CAPSL: variants seen among roughly 807,000 people sequenced by gnomAD.
CAPSL encodes the protein calcyphosin-like protein.
CAPSL carries 17 observed loss-of-function variants against 21.3 expected under a neutral mutation model. That is an observed-to-expected ratio of 0.80 (90% CI 0.55 to 1.20). The LOEUF (loss-of-function observed/expected upper bound fraction) is 1.20. CAPSL is among the 50% of genes most tolerant of loss of function. The pLI is 0.00. For synonymous variants in CAPSL, 102 were observed against 89.3 expected, an observed-to-expected ratio of 1.14 and a Z score of -0.80; for missense variants, 289 against 259.3, an observed-to-expected ratio of 1.11 and a Z score of -0.79.
At chr5:35,916,849 G>A (rs1006746883) in intron 2 of CAPSL, among the ~76,000 whole-genome samples, 2 of 152,154 alleles carry the variant, frequency 1.3e-5, no homozygotes, top group African/African-American at 4.8e-5. Context: ...GGCGACAAAA[G>A]CCAAAATGGA....
In CAPSL at chr5:35,935,810, C is replaced by T. The variant is rs79297711; in HGVS notation, c.-1+2731G>A. Reference sequence around the variant, plus strand: ...TTTCTTATCCATTTTACACACTCTGCGCATCTTTCTGACCATCTGGTACCA... The same window carrying T: ...TTTCTTATCCATTTTACACACTCTGTGCATCTTTCTGACCATCTGGTACCA... On this transcript the variant is annotated intron_variant, in intron 1 of 4. Transcript: ENST00000651391. Among the ~76,000 whole-genome samples the T allele has an allele frequency of 8.6e-3, 1,316 of 152,234 alleles. 18 individuals are homozygous for T. Among genetic ancestry groups the T allele is most frequent in the African/African-American group, 0.03 (1,251 of 41,542 alleles).
At chr5:35,911,714 T>C (rs1738227932) in intron 2 of CAPSL, among the ~76,000 whole-genome samples, 1 of 152,192 alleles carries the variant, frequency 6.6e-6, no homozygotes, top group Admixed American at 6.5e-5. Flanking sequence ...GGCATTGGTT[T>C]TTAAAGTAGT....
intron 1 of CAPSL, among the ~76,000 whole-genome samples, chr5:35,937,074 C>T (rs73094073): frequency 0.015 from 2,326 of 152,250 alleles, 63 homozygotes; most frequent in African/African-American, 0.054. Context: ...TGACACATCC[C>T]GCATTTCCAT....
chr5:35,915,703 ACGT>A (rs1738361179), intron 2 of CAPSL, among the ~76,000 whole-genome samples: 1 of 152,230 alleles, frequency 6.6e-6, no homozygotes, highest in Admixed American at 6.5e-5. Flanking sequence ...TATTGATGGG[ACGT>A]TATCTCAAAA....
At chr5:35,920,843 T>C (rs1738517280) in intron 2 of CAPSL, 141 bp downstream of exon 2, 1 of 878,152 alleles carries the variant, frequency 1.1e-6, no homozygotes, top group Admixed American at 2.8e-5. Context: ...GATCAACTCT[T>C]CTAAACTCTA....
chr5:35,935,011 A>G lies in CAPSL; in HGVS notation c.-1+3530T>C, dbSNP rs1458370335. Reference sequence around the variant, plus strand: ...AGTATTAAGGAACCTCACAGATTTTAAGATGCACCCTGTCACCTCCACATC... The same window carrying G: ...AGTATTAAGGAACCTCACAGATTTTGAGATGCACCCTGTCACCTCCACATC... On this transcript the variant is annotated intron_variant, in intron 1 of 4. Transcript: ENST00000651391. Among the ~76,000 whole-genome samples the G allele has an allele frequency of 2.8e-4, 43 of 152,164 alleles. 1 individual carries two copies. Among genetic ancestry groups the G allele is most frequent in the Admixed American group, 2.7e-3 (42 of 15,274 alleles).
At chr5:35,910,337 C>T in intron 3 of CAPSL, 29 bp downstream of exon 3, 1 of 1,605,196 alleles carries the variant, frequency 6.2e-7, no homozygotes, top group Non-Finnish European at 8.5e-7. Flanking sequence ...CCAAACTCAG[C>T]AGATACACTG....
intron 2 of CAPSL, among the ~76,000 whole-genome samples, chr5:35,915,834 T>A (rs1738370267): frequency 6.6e-6 from 1 of 152,178 alleles, no homozygotes; most frequent in South Asian, 2.1e-4. Flanking sequence ...ACCACTCCTA[T>A]TCAACATAGT....
intron 2 of CAPSL, among the ~76,000 whole-genome samples, chr5:35,911,916 G>A (rs560344074): frequency 6.1e-4 from 93 of 152,264 alleles, no homozygotes; most frequent in Non-Finnish European, 9.1e-4. Context: ...GCAAGGCATC[G>A]CCTCACCCAG....
chr5:35,904,502 G>T lies in CAPSL; in HGVS notation c.*43C>A. 2 of 1,377,900 alleles carry T rather than the reference G, an allele frequency of 1.5e-6. No homozygotes were observed. The highest frequency in any genetic ancestry group is 2.1e-6 in the Non-Finnish European group (2 of 975,136). The allele number at this position is 1,377,900 out of a possible 1,614,324, so 85.4% of individuals were successfully genotyped here. On this transcript the variant is annotated 3_prime_UTR_variant, in exon 5 of 5. Coordinates refer to ENST00000651391, the MANE Select transcript of CAPSL (RefSeq NM_001042625.2). ...TTTTGAGCTGACATTTAGTCATTTG[G>T]AGCCACATGGCTGTCCCAGGGCCTG...
At position 35,936,161 on chromosome 5, in the gene CAPSL, C is replaced by T. The variant is rs558567379; in HGVS notation, c.-1+2380G>A. 2.0e-5 allele frequency among the ~76,000 whole-genome samples: 3 copies of T among 152,216 alleles called. No individual in the cohort carries two copies. The South Asian group carries it at 6.2e-4, about 32-fold the overall frequency. ...CCACCAGTTATGAACAAATTCACAT[C>T]ATCCTCCTCCAAATCTATAAAAGTA... is the stretch of plus-strand genomic sequence containing the variant. On this transcript the variant is annotated intron_variant, in intron 1 of 4. Transcript: ENST00000651391.
rs1739014485 is a variant in CAPSL at position 35,938,564 on chromosome 5, C to G, written c.-24G>C. 1 of 153,050 alleles carries G rather than the reference C, an allele frequency of 6.5e-6. No individual in the cohort carries two copies. The highest frequency in any genetic ancestry group is 2.1e-4 in the South Asian group (1 of 4,824). 9.5% of individuals were successfully genotyped at this position (153,050 alleles called of 1,614,324 possible). A position where few individuals can be genotyped will look rare whatever the true frequency, so the allele number is the denominator to read the frequency against. On this transcript the variant is annotated 5_prime_UTR_variant, in exon 1 of 5. Coordinates refer to ENST00000651391, the MANE Select transcript of CAPSL (RefSeq NM_001042625.2). ...ACCTTAAATGCTAACCTTTTGCCAC[C>G]AGTTGCTTCGAACTGAAACTATGGA...
At chr5:35,905,295 T>A (rs1319363104) in intron 4 of CAPSL, among the ~76,000 whole-genome samples, 2 of 152,198 alleles carry the variant, frequency 1.3e-5, no homozygotes, top group Non-Finnish European at 2.9e-5. Context: ...TACTTTCCTT[T>A]GGGGAAGGAG....
intron 1 of CAPSL, among the ~76,000 whole-genome samples, chr5:35,927,330 C>T (rs1738711583): frequency 6.6e-6 from 1 of 152,150 alleles, no homozygotes; most frequent in African/African-American, 2.4e-5. Flanking sequence ...TGATTTTTAA[C>T]ATTTTTAGGC....
chr5:35,906,400 G>T (rs1395019800), intron 4 of CAPSL, among the ~76,000 whole-genome samples: 4 of 152,038 alleles, frequency 2.6e-5, no homozygotes, highest in Non-Finnish European at 5.9e-5. Context: ...TCACCAATAA[G>T]ATACAAAGGA....
At chr5:35,928,337 A>T (rs955991613) in intron 1 of CAPSL, among the ~76,000 whole-genome samples, 4 of 152,338 alleles carry the variant, frequency 2.6e-5, no homozygotes, top group African/African-American at 9.6e-5. Flanking sequence ...CTAGGTGTTG[A>T]GTATAGCCTA....
intron 1 of CAPSL, among the ~76,000 whole-genome samples, chr5:35,931,380 G>A (rs1738819068): frequency 1.3e-5 from 2 of 151,162 alleles, no homozygotes; most frequent in Non-Finnish European, 2.9e-5. Flanking sequence ...ATGAAAGAGA[G>A]CAAAATAAAC....
At chr5:35,931,576 C>CT (rs1048647052) in intron 1 of CAPSL, among the ~76,000 whole-genome samples, 1 of 152,090 alleles carries the variant, frequency 6.6e-6, no homozygotes, top group African/African-American at 2.4e-5. Context: ...CTCCATCTTG[C>CT]TTTTTTTCCC....
chr5:35,914,736 A>G (rs1267108976), intron 2 of CAPSL, among the ~76,000 whole-genome samples: 1 of 152,228 alleles, frequency 6.6e-6, no homozygotes, highest in East Asian at 1.9e-4. Flanking sequence ...TTATAGCACT[A>G]AATGTCCACA....
Sources: allele counts gnomAD v4.1 joint callset (sites outside exome capture counted in the v4.1 genomes callset), GRCh38; gene constraint gnomAD v4.1.1; transcripts MANE v1.5; gene names NCBI Gene and HGNC (gene_info 2026-07-23, HGNC 2026-07-21).